PCDH15: variants seen among roughly 807,000 people sequenced by gnomAD.
The protein encoded by PCDH15 is protocadherin-15.
PCDH15 carries 129 observed loss-of-function variants against 178.5 expected under a neutral mutation model. That is an observed-to-expected ratio of 0.72 (90% CI 0.63 to 0.84). The LOEUF is 0.84. Among genes scored for constraint, PCDH15 ranks in the 40% least tolerant of loss-of-function variants. PCDH15 has a pLI of 0.00. For missense variants in PCDH15, 2,230 were observed against 2,099.9 expected (o/e 1.06, Z -1.21); for synonymous variants, 800 against 732.0 (o/e 1.09, Z -1.50).
chr10:55,527,343 A>G (rs980398195), intron 2 of PCDH15, among the ~76,000 whole-genome samples: 2 of 152,030 alleles, frequency 1.3e-5, no homozygotes, highest in Non-Finnish European at 2.9e-5. Flanking sequence ...CCTCTTGCCT[A>G]CCTTCTGGTG....
intron 1 of PCDH15, among the ~76,000 whole-genome samples, chr10:54,729,514 C>G (rs1397340366): frequency 6.6e-6 from 1 of 151,570 alleles, no homozygotes; most frequent in East Asian, 1.9e-4. Flanking sequence ...ATGACTACGA[C>G]TACAAAAGCA....
At chr10:55,099,113 C>T (rs973334420) in intron 2 of PCDH15, among the ~76,000 whole-genome samples, 3 of 151,944 alleles carry the variant, frequency 2.0e-5, no homozygotes, top group South Asian at 2.1e-4. Context: ...TACTCTATTT[C>T]ATTTTTTTGA....
intron 2 of PCDH15, among the ~76,000 whole-genome samples, chr10:55,399,418 G>T (rs937654835): frequency 6.6e-6 from 1 of 152,088 alleles, no homozygotes; most frequent in Non-Finnish European, 1.5e-5. Context: ...AAATGTGTGC[G>T]AATATTTTCC....
intron 3 of PCDH15, among the ~76,000 whole-genome samples, chr10:54,504,267 C>A (rs1043073655): frequency 6.6e-6 from 1 of 152,020 alleles, no homozygotes. Context: ...GCCCTAAACA[C>A]CCTGCTATTT....
At chr10:54,804,928 T>TATATATATATATATAC (rs1952752326), upstream of PCDH15, among the ~76,000 whole-genome samples, 1 of 37,640 alleles carries the variant, frequency 2.7e-5, no homozygotes, top group African/African-American at 1.5e-4. Context: ...CATAGTAGAT[T>TATATATATATATATAC]ATATATATAT....
intron 21 of PCDH15, among the ~76,000 whole-genome samples, chr10:53,968,136 T>C (rs2089249888): frequency 6.6e-6 from 1 of 152,102 alleles, no homozygotes; most frequent in Non-Finnish European, 1.5e-5. Context: ...ACCTGGAAAA[T>C]TGGTACACTC....
At chr10:54,793,015 T>C (rs571713177) in intron 1 of PCDH15, among the ~76,000 whole-genome samples, 133 of 151,822 alleles carry the variant, frequency 8.8e-4, no homozygotes, top group Non-Finnish European at 1.5e-3. Flanking sequence ...TCCTACCCAG[T>C]ACCAAGCTGA....
chr10:54,139,739 C>T (rs1335767261), intron 14 of PCDH15, among the ~76,000 whole-genome samples: 1 of 151,704 alleles, frequency 6.6e-6, no homozygotes, highest in African/African-American at 2.4e-5. Flanking sequence ...AAATTATGGG[C>T]TTGAAATGGT....
At chr10:54,786,963 A>G (rs1052605743) in intron 1 of PCDH15, among the ~76,000 whole-genome samples, 13 of 151,648 alleles carry the variant, frequency 8.6e-5, no homozygotes, top group African/African-American at 2.7e-4. Flanking sequence ...TTATATTTCT[A>G]TATAATATCT....
chr10:54,751,402 T>C (rs1946205960), intron 1 of PCDH15, among the ~76,000 whole-genome samples: 1 of 152,160 alleles, frequency 6.6e-6, no homozygotes, highest in Non-Finnish European at 1.5e-5. Context: ...CTTTTAAATT[T>C]GCTTATAAAA....
At chr10:54,251,904 T>C (rs1353797470) in intron 8 of PCDH15, among the ~76,000 whole-genome samples, 2 of 152,166 alleles carry the variant, frequency 1.3e-5, no homozygotes, top group Non-Finnish European at 2.9e-5. Flanking sequence ...TTTTATTTCT[T>C]ATCCAAACTT....
At chr10:54,121,012 A>G (rs1289808359) in intron 15 of PCDH15, among the ~76,000 whole-genome samples, 2 of 151,872 alleles carry the variant, frequency 1.3e-5, no homozygotes, top group Non-Finnish European at 2.9e-5. Context: ...CACAGGGAAT[A>G]TACTCCAAGA....
At chr10:54,368,086 T>A (rs1214307681) in intron 5 of PCDH15, among the ~76,000 whole-genome samples, 1 of 151,924 alleles carries the variant, frequency 6.6e-6, no homozygotes, top group Admixed American at 6.6e-5. Flanking sequence ...CAGTAATTCG[T>A]CTTGTTAAAT....
intron 2 of PCDH15, among the ~76,000 whole-genome samples, chr10:55,606,021 T>C (rs1843207299): frequency 1.4e-5 from 1 of 73,424 alleles, no homozygotes; most frequent in Non-Finnish European, 2.6e-5. Flanking sequence ...CAAAATCTCC[T>C]TAAGCTGATA....
chr10:55,571,531 G>C (rs1258081385), intron 2 of PCDH15, among the ~76,000 whole-genome samples: 1 of 151,992 alleles, frequency 6.6e-6, no homozygotes, highest in African/African-American at 2.4e-5. Flanking sequence ...CCACAGTGAA[G>C]AACTCCTTCA....
intron 16 of PCDH15, among the ~76,000 whole-genome samples, chr10:54,082,918 C>T (rs984643504): frequency 5.3e-5 from 8 of 151,860 alleles, no homozygotes; most frequent in Non-Finnish European, 1.2e-4. Flanking sequence ...AAAAAGAAAT[C>T]CCAATTTAAA....
chr10:54,577,757 C>A (rs1190039019), intron 2 of PCDH15, among the ~76,000 whole-genome samples: 1 of 152,060 alleles, frequency 6.6e-6, no homozygotes, highest in East Asian at 1.9e-4. Context: ...AAAACCATCT[C>A]CTGGAGGCAC....
chr10:53,941,662 C>T (rs530047373), intron 23 of PCDH15, among the ~76,000 whole-genome samples: 1 of 152,284 alleles, frequency 6.6e-6, no homozygotes, highest in East Asian at 1.9e-4. Flanking sequence ...GATTTCAACT[C>T]TTCTGGGTAA....
At chr10:54,338,467 C>T (rs2384451) in intron 6 of PCDH15, among the ~76,000 whole-genome samples, 10,785 of 152,066 alleles carry the variant, frequency 0.071, 497 homozygotes, top group African/African-American at 0.12. Flanking sequence ...TTTTAAAAAT[C>T]GTTTGTCCTT....
Sources: gnomAD v4.1 joint callset for allele counts (sites outside exome capture counted in the v4.1 genomes callset) on GRCh38, gnomAD v4.1.1 for gene constraint, MANE v1.5 for transcripts, NCBI Gene and HGNC (gene_info 2026-07-23, HGNC 2026-07-21) for gene names.